Variants in FBXW2 observed in about 807,000 individuals in gnomAD.
FBXW2 encodes the protein F-box/WD repeat-containing protein 2.
Under a neutral mutation model 46.0 loss-of-function variants are expected in FBXW2, and 12 were observed. The observed-to-expected ratio is 0.26, with a 90% CI of 0.17 to 0.42. The LOEUF (loss-of-function observed/expected upper bound fraction) is 0.42, where lower values mean the gene tolerates loss of function less well. FBXW2 is among the 10% of genes least tolerant of loss of function. The probability of loss-of-function intolerance (pLI) is 1.00; values close to 1 mark genes in which losing one functional copy is unlikely to be tolerated. For missense variants in FBXW2, 360 were observed against 537.0 expected (o/e 0.67, Z 3.26); for synonymous variants, 203 against 209.6 (o/e 0.97, Z 0.27).
At chr9:120,777,451 C>T (rs2131328863) in intron 4 of FBXW2, among the ~76,000 whole-genome samples, 1 of 152,322 alleles carries the variant, frequency 6.6e-6, no homozygotes, top group South Asian at 2.1e-4. Flanking sequence ...GATAAGATCA[C>T]TGTCCTTATG....
At chr9:120,784,664 A>G (rs1048064349) in intron 3 of FBXW2, among the ~76,000 whole-genome samples, 2 of 151,954 alleles carry the variant, frequency 1.3e-5, no homozygotes, top group Non-Finnish European at 2.9e-5. Context: ...TCACACCTGT[A>G]ATCCCAGCAC....
chr9:120,767,890 G>A (rs1396894615), intron 7 of FBXW2, among the ~76,000 whole-genome samples: 1 of 152,104 alleles, frequency 6.6e-6, no homozygotes, highest in African/African-American at 2.4e-5. Flanking sequence ...CACTACCACA[G>A]CTCTAGTCCA....
At chr9:120,787,042 A>T (rs1315283316) in intron 3 of FBXW2, among the ~76,000 whole-genome samples, 1 of 152,078 alleles carries the variant, frequency 6.6e-6, no homozygotes, top group Non-Finnish European at 1.5e-5. Context: ...ATATATATTT[A>T]TTTTGAGATG....
At chr9:120,773,409 A>G (rs762765045) in intron 5 of FBXW2, among the ~76,000 whole-genome samples, 1 of 152,224 alleles carries the variant, frequency 6.6e-6, no homozygotes, top group Non-Finnish European at 1.5e-5. Context: ...AGAATCTGCC[A>G]TATGCTGACT....
At chr9:120,768,668 C>CA (rs1488793644) in intron 7 of FBXW2, among the ~76,000 whole-genome samples, 2 of 151,856 alleles carry the variant, frequency 1.3e-5, no homozygotes, top group African/African-American at 4.8e-5. Flanking sequence ...TAAAAATACA[C>CA]AAAATTAGCT....
At position 120,766,200 on chromosome 9, in the gene FBXW2, G is replaced by A. The variant is rs550712475; in HGVS notation, c.1077-1353C>T. ...CCAGGACAAGGAAGAACAGCTGAAG[G>A]CTATCAGCTGAGATGGGGAAGGAAA... On this transcript the variant is annotated intron_variant, in intron 7 of 7. Transcript: ENST00000608872. Among the ~76,000 whole-genome samples the A allele has an allele frequency of 6.6e-5, 10 of 152,320 alleles. No individual in the cohort carries two copies. The South Asian group carries it at 1.0e-3, about 16-fold the overall frequency.
At chr9:120,777,629 T>C (rs1030048952) in intron 4 of FBXW2, among the ~76,000 whole-genome samples, 1 of 151,744 alleles carries the variant, frequency 6.6e-6, no homozygotes, top group Admixed American at 6.6e-5. Flanking sequence ...GCTAAAGCAG[T>C]GGGTAAATGG....
chr9:120,764,616 A>G lies in FBXW2; in HGVS notation c.1308T>C (p.Phe436=). The change falls in exon 8 of 8, where the codon TTT becomes TTC. Residue 436 remains phenylalanine (F), a synonymous_variant. Coordinates refer to ENST00000608872, the MANE Select transcript of FBXW2 (RefSeq NM_012164.4). ...TACTGTGGTCAGGCATGCTGGTGGC[A>G]AAGACCAAGCCCGTGTCATTGTGCC... The part of the protein sequence containing the change: ...LDGHNDTGLV[F]ATSMPDHSIH... The G allele has an allele frequency of 1.2e-6, 2 of 1,614,196 alleles. No homozygotes were observed. Among genetic ancestry groups the G allele is most frequent in the Admixed American group, 3.3e-5 (2 of 60,022 alleles).
intron 5 of FBXW2, among the ~76,000 whole-genome samples, chr9:120,774,114 T>A (rs554072476): frequency 5.3e-5 from 8 of 151,932 alleles, no homozygotes; most frequent in African/African-American, 1.9e-4. Context: ...GGTGGGTGGA[T>A]CACCTGAGGT....
At chr9:120,781,641 C>T (rs868234776) in intron 3 of FBXW2, among the ~76,000 whole-genome samples, 1,660 of 140,260 alleles carry the variant, frequency 0.012, 34 homozygotes, top group African/African-American at 0.044. Context: ...TACATACACA[C>T]ACACACACAC....
intron 2 of FBXW2, among the ~76,000 whole-genome samples, chr9:120,791,172 C>G (rs1309740354): frequency 1.3e-5 from 2 of 152,176 alleles, no homozygotes; most frequent in Non-Finnish European, 2.9e-5. Flanking sequence ...AAACTGGACT[C>G]TTTTAGGCAG....
chr9:120,792,901 T>C (rs1329020447), intron 2 of FBXW2: 3 of 1,523,850 alleles, frequency 2.0e-6, no homozygotes, highest in East Asian at 5.0e-5. Flanking sequence ...TTTCATGGCA[T>C]ACCCACAATT....
chr9:120,786,875 A>C (rs1287328418), intron 3 of FBXW2, among the ~76,000 whole-genome samples: 1 of 152,186 alleles, frequency 6.6e-6, no homozygotes, highest in Non-Finnish European at 1.5e-5. Context: ...ATAATTTTAA[A>C]TTTTTAATAA....
rs190656220 is a variant in FBXW2, at chr9:120,763,715, T to G, written c.*844A>C. On this transcript the variant is annotated 3_prime_UTR_variant, in exon 8 of 8. Transcript: ENST00000608872. ...AGTAGGTGAAGGACCAGAAAGAATC[T>G]TAGAAATCACTGAGCTTCATACCTG... 6.6e-6 allele frequency: 1 copy of G among 152,184 alleles called. No homozygotes were observed. The highest frequency in any genetic ancestry group is 2.4e-5 in the African/African-American group (1 of 41,440). 9.4% of individuals were successfully genotyped at this position (152,184 alleles called of 1,614,324 possible).
Position 120,772,805 on chromosome 9 carries a change from C to T in FBXW2, c.855G>A (p.Leu285=), listed in dbSNP as rs1322100334. The T allele has an allele frequency of 6.2e-7, 1 of 1,610,348 alleles. No homozygotes were observed. Among genetic ancestry groups the T allele is most frequent in the East Asian group, 2.2e-5 (1 of 44,760 alleles). The change falls in exon 6 of 8, where the codon TTG becomes TTA. Residue 285 remains leucine, a synonymous_variant. Transcript: ENST00000608872. ...VLQKCKVKSL[L]HSPGDYILLS... is the part of the protein sequence containing the mutation. ...AGAGGATGTAGTCTCCAGGACTGTG[C>T]AAGAGAGACTTGACTTTGCACTTCT...
Position 120,788,336 on chromosome 9 carries a change from T to C in FBXW2, c.-20-58A>G, listed in dbSNP as rs571384585. The C allele has an allele frequency of 3.4e-6, 5 of 1,463,798 alleles. No homozygotes were observed. In the Admixed American group the frequency reaches 1.1e-4, roughly 31 times the overall value. The allele number at this position is 1,463,798 out of a possible 1,614,324, so 90.7% of individuals were successfully genotyped here. A position where few individuals can be genotyped will look rare whatever the true frequency, so the allele number is the denominator to read the frequency against. On this transcript the variant is annotated intron_variant, in intron 2 of 7. Transcript: ENST00000608872. Reference sequence around the variant, plus strand: ...CTCAAAAAGACTGTTCAAGCAAGACTGCTAACAAATGAAGTATTAAAAATT... The same window carrying C: ...CTCAAAAAGACTGTTCAAGCAAGACCGCTAACAAATGAAGTATTAAAAATT...
intron 5 of FBXW2, among the ~76,000 whole-genome samples, chr9:120,774,203 G>C (rs1370132291): frequency 6.6e-6 from 1 of 152,072 alleles, no homozygotes; most frequent in Non-Finnish European, 1.5e-5. Flanking sequence ...CAGGCATGGT[G>C]GTGGGCGCCT....
rs2044196934 is a variant in FBXW2, at chr9:120,761,559, A to G, written c.*3000T>C. The G allele has an allele frequency of 6.6e-6, 1 of 152,254 alleles. No individual in the cohort carries two copies. The highest frequency in any genetic ancestry group is 2.4e-5 in the African/African-American group (1 of 41,466). 9.4% of individuals were successfully genotyped at this position (152,254 alleles called of 1,614,324 possible). A position where few individuals can be genotyped will look rare whatever the true frequency, so the allele number is the denominator to read the frequency against. ...TTTAGTTATCCCCTATCCACTTCTC[A>G]TTCTGACTCCCCACTTTGCTTTCTT... On this transcript the variant is annotated 3_prime_UTR_variant, in exon 8 of 8. Coordinates refer to ENST00000608872, the MANE Select transcript of FBXW2 (RefSeq NM_012164.4).
intron 5 of FBXW2, among the ~76,000 whole-genome samples, chr9:120,774,354 A>G (rs917077498): frequency 3.9e-4 from 59 of 151,944 alleles, no homozygotes; most frequent in South Asian, 1.7e-3. Context: ...AAAAAAAAAA[A>G]AAAAGAAATT....
Sources: allele counts gnomAD v4.1 joint callset (sites outside exome capture counted in the v4.1 genomes callset), GRCh38; gene constraint gnomAD v4.1.1; transcripts MANE v1.5; gene names NCBI Gene and HGNC (gene_info 2026-07-23, HGNC 2026-07-21).